SIPA1L1: variants seen among roughly 807,000 people sequenced by gnomAD.
SIPA1L1 encodes signal induced proliferation associated 1 like 1, also known as signal-induced proliferation-associated 1-like protein 1.
SIPA1L1 carries 26 observed loss-of-function variants against 162.7 expected under a neutral mutation model. The ratio of observed to expected loss-of-function variants is 0.16; its 90% CI spans 0.12 to 0.22. The LOEUF (loss-of-function observed/expected upper bound fraction) is 0.22, where lower values mean the gene tolerates loss of function less well. Among genes scored for constraint, SIPA1L1 ranks in the 10% least tolerant of loss-of-function variants. The pLI is 1.00. For synonymous variants in SIPA1L1, 829 were observed against 837.4 expected (o/e 0.99, Z 0.17); for missense variants, 1,874 against 2,241.0 (o/e 0.84, Z 3.31).
intron 2 of SIPA1L1, among the ~76,000 whole-genome samples, chr14:71,379,989 AAAT>A (rs1164233283): frequency 6.6e-6 from 1 of 151,996 alleles, no homozygotes; most frequent in Non-Finnish European, 1.5e-5. Context: ...TTCTTTTTGA[AAAT>A]AATAATAATA....
chr14:71,425,522 A>G (rs1180699454), intron 2 of SIPA1L1, among the ~76,000 whole-genome samples: 6 of 152,130 alleles, frequency 3.9e-5, no homozygotes, highest in Non-Finnish European at 5.9e-5. Context: ...GTTTTGTGGA[A>G]ATAGTTTTAC....
chr14:71,675,044 G>A (rs1414120197), intron 12 of SIPA1L1, among the ~76,000 whole-genome samples: 5 of 152,192 alleles, frequency 3.3e-5, no homozygotes, highest in Non-Finnish European at 7.3e-5. Flanking sequence ...GCTTTCTGCT[G>A]GGGTGAAGAA....
At chr14:71,415,330 C>T (rs139809251) in intron 2 of SIPA1L1, among the ~76,000 whole-genome samples, 4 of 152,102 alleles carry the variant, frequency 2.6e-5, no homozygotes, top group Non-Finnish European at 4.4e-5. Flanking sequence ...TTTATTTGAC[C>T]GTTCCCAGCA....
chr14:71,636,642 G>A (rs2041177543), intron 7 of SIPA1L1, among the ~76,000 whole-genome samples: 1 of 152,148 alleles, frequency 6.6e-6, no homozygotes, highest in African/African-American at 2.4e-5. Flanking sequence ...TGACTAGAAA[G>A]AGAAGAGCAA....
At position 71,631,199 on chromosome 14, in the gene SIPA1L1, C is replaced by G. The variant is rs570428103; in HGVS notation, c.1818+6963C>G. 2.0e-5 allele frequency among the ~76,000 whole-genome samples: 3 copies of G among 152,256 alleles called. No individual in the cohort carries two copies. The East Asian group carries it at 5.8e-4, about 29-fold the overall frequency. ...TCCATGTCCCTGAAAAGGACATGAA[C>G]TCATCCTTTTTTATGGCTGCATAGT... On this transcript the variant is annotated intron_variant, in intron 7 of 23. Coordinates refer to ENST00000381232, the MANE Select transcript of SIPA1L1 (RefSeq NM_001386936.1).
At chr14:71,596,708 A>G (rs2036075566) in intron 5 of SIPA1L1, among the ~76,000 whole-genome samples, 1 of 152,118 alleles carries the variant, frequency 6.6e-6, no homozygotes, top group Non-Finnish European at 1.5e-5. Flanking sequence ...GTTAAGATGA[A>G]TGGGAAGCTA....
chr14:71,513,776 A>C (rs1461140804), intron 3 of SIPA1L1, among the ~76,000 whole-genome samples: 1 of 152,200 alleles, frequency 6.6e-6, no homozygotes. Context: ...GGAGTAAGCT[A>C]CTGAGACTGG....
chr14:71,623,002 T>G (rs1056440023), intron 6 of SIPA1L1, among the ~76,000 whole-genome samples: 8 of 152,234 alleles, frequency 5.3e-5, no homozygotes, highest in African/African-American at 1.9e-4. Flanking sequence ...CTCTTGACAT[T>G]TTCTTTTTGT....
intron 2 of SIPA1L1, among the ~76,000 whole-genome samples, chr14:71,443,368 G>A (rs185347402): frequency 4.6e-5 from 7 of 152,142 alleles, no homozygotes; most frequent in East Asian, 1.9e-4. Context: ...ATCAATACAC[G>A]AATTCTGGAA....
At chr14:71,508,254 C>G (rs985818544) in intron 2 of SIPA1L1, among the ~76,000 whole-genome samples, 2 of 152,200 alleles carry the variant, frequency 1.3e-5, no homozygotes, top group African/African-American at 4.8e-5. Flanking sequence ...AAAATATGCT[C>G]ATGGACAAAG....
intron 2 of SIPA1L1, among the ~76,000 whole-genome samples, chr14:71,480,453 T>TAA (rs71448367): frequency 4.9e-4 from 61 of 124,744 alleles, no homozygotes; most frequent in African/African-American, 1.1e-3. Context: ...CTCTTAGTCT[T>TAA]AAAAAAAAAA....
At chr14:71,622,156 G>T (rs2039513402) in intron 6 of SIPA1L1, among the ~76,000 whole-genome samples, 1 of 152,182 alleles carries the variant, frequency 6.6e-6, no homozygotes, top group South Asian at 2.1e-4. Context: ...TGACACTCTA[G>T]TGGCTTCAGT....
At chr14:71,412,451 T>G (rs2140323396) in intron 2 of SIPA1L1, among the ~76,000 whole-genome samples, 1 of 152,304 alleles carries the variant, frequency 6.6e-6, no homozygotes, top group East Asian at 1.9e-4. Context: ...TCTTCTGATA[T>G]TTGTACGATT....
intron 2 of SIPA1L1, among the ~76,000 whole-genome samples, chr14:71,346,503 A>G (rs961664057): frequency 2.6e-5 from 4 of 152,152 alleles, no homozygotes; most frequent in Non-Finnish European, 5.9e-5. Flanking sequence ...CAAAGATGGT[A>G]TTACCTCCAA....
chr14:71,608,969 T>C (rs913701940), intron 5 of SIPA1L1, among the ~76,000 whole-genome samples: 1 of 152,058 alleles, frequency 6.6e-6, no homozygotes, highest in Non-Finnish European at 1.5e-5. Flanking sequence ...ATAGAAAAAA[T>C]AGAAACTATA....
rs1478553432 is a variant in SIPA1L1, at chr14:71,720,953, AT to A, written c.4209-2691del. 2.0e-5 allele frequency among the ~76,000 whole-genome samples: 3 copies of A among 152,120 alleles called. No homozygotes were observed. In the East Asian group the frequency reaches 5.8e-4, roughly 30 times the overall value. On this transcript the variant is annotated intron_variant, in intron 17 of 23. Transcript: ENST00000381232. ...CTCTGGGATTGGTCACTGATGCCTT[AT>A]TTGGTTCATTTGATGAGGTTATGTC... is the stretch of plus-strand genomic sequence containing the variant.
At chr14:71,562,016 A>G (rs183555683) in intron 4 of SIPA1L1, among the ~76,000 whole-genome samples, 16 of 152,296 alleles carry the variant, frequency 1.1e-4, no homozygotes, top group Middle Eastern at 3.4e-3. Context: ...TTCTTGGTGT[A>G]GAATATTTGT....
chr14:71,728,825 G>A (rs1057413856), intron 19 of SIPA1L1, among the ~76,000 whole-genome samples: 5 of 152,118 alleles, frequency 3.3e-5, no homozygotes, highest in South Asian at 2.1e-4. Context: ...TATTGTTCAC[G>A]GGTCAAATGC....
intron 7 of SIPA1L1, 129 bp from the exon 8 acceptor site, chr14:71,650,206 A>G: frequency 2.1e-6 from 2 of 934,704 alleles, no homozygotes; most frequent in South Asian, 1.4e-5. Context: ...CGGAAAATAC[A>G]GAAGGATTTC....
Sources: allele counts gnomAD v4.1 joint callset (sites outside exome capture counted in the v4.1 genomes callset), GRCh38; gene constraint gnomAD v4.1.1; transcripts MANE v1.5; gene names NCBI Gene and HGNC (gene_info 2026-07-23, HGNC 2026-07-21).